The following ZDHHC15 variants were observed in gnomAD, a reference collection of about 807,000 sequenced individuals.
ZDHHC15 encodes the protein palmitoyltransferase ZDHHC15.
A neutral mutation model predicts 31.7 loss-of-function variants in ZDHHC15; 19 were observed. The ratio of observed to expected loss-of-function variants is 0.60; its 90% CI spans 0.42 to 0.88. The LOEUF is 0.88. Among genes scored for constraint, ZDHHC15 ranks in the 40% least tolerant of loss-of-function variants. The pLI is 0.00. For synonymous variants in ZDHHC15, 103 were observed against 90.0 expected, an observed-to-expected ratio of 1.14 and a Z score of -0.82; for missense variants, 209 against 251.2, an observed-to-expected ratio of 0.83 and a Z score of 1.14.
intron 4 of ZDHHC15, among the ~76,000 whole-genome samples, chrX:75,436,601 A>C (rs2083855077): frequency 8.9e-6 from 1 of 112,391 alleles, no homozygotes; most frequent in Admixed American, 9.4e-5. Flanking sequence ...CTCAACAATC[A>C]TTCATGAGTA....
intron 2 of ZDHHC15, among the ~76,000 whole-genome samples, chrX:75,484,978 G>C (rs191112951): frequency 8.9e-6 from 1 of 111,839 alleles, no homozygotes; most frequent in African/African-American, 3.2e-5. Flanking sequence ...GCTCCATACT[G>C]TATGATTCAA....
At chrX:75,456,495 A>G (rs758669624) in intron 3 of ZDHHC15, among the ~76,000 whole-genome samples, 2 of 111,102 alleles carry the variant, frequency 1.8e-5, no homozygotes, top group South Asian at 7.7e-4. Context: ...TAGAACTTAA[A>G]GTATAATAAT....
chrX:75,417,217 T>C (rs756942401), intron 9 of ZDHHC15, 27 bp from the exon 10 acceptor site: 1 of 1,060,601 alleles, frequency 9.4e-7, no homozygotes, highest in African/African-American at 1.9e-5. Flanking sequence ...GGCAGTGACC[T>C]ATTGCAGCTG....
chrX:75,480,341 T>C (rs1475296073), intron 2 of ZDHHC15, among the ~76,000 whole-genome samples: 1 of 111,734 alleles, frequency 8.9e-6, no homozygotes, highest in Non-Finnish European at 1.9e-5. Context: ...AACACCTCTT[T>C]GGTGTTTGGT....
intron 1 of ZDHHC15, 81 bp from the exon 2 acceptor site, chrX:75,505,928 TAA>T: frequency 1.4e-5 from 13 of 918,736 alleles, no homozygotes; most frequent in Non-Finnish European, 2.0e-5. Context: ...TAGTTATATT[TAA>T]AAAGTCTTGT....
chrX:75,457,199 G>A (rs2084237504), intron 3 of ZDHHC15, among the ~76,000 whole-genome samples: 1 of 110,527 alleles, frequency 9.0e-6, no homozygotes. Context: ...ATTTGTAGTG[G>A]CATCTTATTG....
At position 75,419,785 on chromosome X, in the gene ZDHHC15, T is replaced by C. The variant is rs1280127451; in HGVS notation, c.863+2079A>G. Among the ~76,000 whole-genome samples, 3 of 108,581 alleles carry C rather than the reference T, an allele frequency of 2.8e-5. No individual in the cohort carries two copies. The Admixed American group carries it at 3.0e-4, about 11-fold the overall frequency. 94.3% of individuals were successfully genotyped at this position (108,581 alleles called of 115,157 possible). Reference sequence around the variant, plus strand: ...TATGCAGTCATAAAAAATGATGAGTTCATGTCCTTTGTAGGGACATGGATG... The same window carrying C: ...TATGCAGTCATAAAAAATGATGAGTCCATGTCCTTTGTAGGGACATGGATG... On this transcript the variant is annotated intron_variant, in intron 9 of 11. Transcript: ENST00000373367.
intron 3 of ZDHHC15, among the ~76,000 whole-genome samples, chrX:75,478,581 C>A (rs1428610369): frequency 9.0e-6 from 1 of 111,288 alleles, no homozygotes; most frequent in Non-Finnish European, 1.9e-5. Flanking sequence ...CAGGGTCTCA[C>A]TTTGTTGCCT....
At chrX:75,442,875 A>G (rs988094842) in intron 4 of ZDHHC15, among the ~76,000 whole-genome samples, 7 of 105,885 alleles carry the variant, frequency 6.6e-5, no homozygotes, top group Non-Finnish European at 1.4e-4. Context: ...AGTCCCAGCT[A>G]CTCGGGAGGC....
rs749644337 is a variant in ZDHHC15 at position 75,389,436 on chromosome X, C to A, written c.968-10238G>T. ...CAACGTCAGGCAGTGCAGCTTGCAGCTCTAGGAGAGACTCCTTCCTTCTGC... is the reference window on the plus strand; with the variant it reads ...CAACGTCAGGCAGTGCAGCTTGCAGATCTAGGAGAGACTCCTTCCTTCTGC... On this transcript the variant is annotated intron_variant, in intron 10 of 11. Transcript: ENST00000373367. Among the ~76,000 whole-genome samples the A allele has an allele frequency of 8.3e-5, 9 of 108,913 alleles. No homozygotes were observed. In the South Asian group the frequency reaches 3.8e-3, roughly 45 times the overall value. 94.6% of individuals were successfully genotyped at this position (108,913 alleles called of 115,157 possible). A position where few individuals can be genotyped will look rare whatever the true frequency, so the allele number is the denominator to read the frequency against.
At chrX:75,458,096 A>G (rs768788786) in intron 3 of ZDHHC15, among the ~76,000 whole-genome samples, 11 of 112,297 alleles carry the variant, frequency 9.8e-5, no homozygotes, top group Non-Finnish European at 2.1e-4. Context: ...CAATGGCTGA[A>G]TGGTTAAACC....
At chrX:75,399,643 T>C (rs916619633) in intron 10 of ZDHHC15, among the ~76,000 whole-genome samples, 4 of 111,318 alleles carry the variant, frequency 3.6e-5, no homozygotes, top group Non-Finnish European at 7.5e-5. Flanking sequence ...AGCACTAAGA[T>C]CACCCCAGAG....
At chrX:75,499,806 A>C (rs1166482297) in intron 2 of ZDHHC15, among the ~76,000 whole-genome samples, 1 of 111,579 alleles carries the variant, frequency 9.0e-6, no homozygotes, top group East Asian at 2.8e-4. Flanking sequence ...ATAATAAAAT[A>C]AGTCATTATA....
In ZDHHC15 at chrX:75,369,356, T is replaced by C. The variant is rs2147737069; in HGVS notation, c.*3622A>G. On this transcript the variant is annotated 3_prime_UTR_variant, in exon 12 of 12. Transcript: ENST00000373367. ...GTGTGTGTGTGTGTGTACATGTGCA[T>C]ACATGTATGTAGATATGTGTGATGA... 9.0e-6 allele frequency: 1 copy of C among 110,976 alleles called. No individual in the cohort carries two copies. The highest frequency in any genetic ancestry group is 2.8e-4 in the East Asian group (1 of 3,566). 9.1% of individuals were successfully genotyped at this position (110,976 alleles called of 1,213,427 possible).
At chrX:75,473,456 G>T (rs1289908626) in intron 3 of ZDHHC15, among the ~76,000 whole-genome samples, 1 of 110,626 alleles carries the variant, frequency 9.0e-6, no homozygotes, top group African/African-American at 3.3e-5. Context: ...TTGCCCAGAG[G>T]TCTTTGTTCC....
intron 3 of ZDHHC15, among the ~76,000 whole-genome samples, chrX:75,451,383 T>C (rs1439964549): frequency 8.9e-6 from 1 of 112,456 alleles, no homozygotes; most frequent in Non-Finnish European, 1.9e-5. Context: ...AGAAGCTGGA[T>C]GAGACTGCTT....
At chrX:75,381,799 T>C (rs958148857) in intron 10 of ZDHHC15, among the ~76,000 whole-genome samples, 32 of 111,294 alleles carry the variant, frequency 2.9e-4, no homozygotes, top group Non-Finnish European at 3.8e-5. Flanking sequence ...TATCCTGATG[T>C]TTCCCATCCT....
At chrX:75,517,601 G>A (rs1288751843) in intron 1 of ZDHHC15, among the ~76,000 whole-genome samples, 2 of 77,372 alleles carry the variant, frequency 2.6e-5, no homozygotes, top group Non-Finnish European at 4.8e-5. Flanking sequence ...GTGGGGGGAG[G>A]GGGGAGGGAT....
intron 4 of ZDHHC15, 81 bp downstream of exon 4, chrX:75,450,721 G>A (rs760649557): frequency 8.3e-7 from 1 of 1,206,310 alleles, no homozygotes; most frequent in Non-Finnish European, 1.1e-6. Flanking sequence ...AAAAAAAAGG[G>A]CTAGTTTGAG....
Sources: allele counts gnomAD v4.1 joint callset (sites outside exome capture counted in the v4.1 genomes callset), GRCh38; gene constraint gnomAD v4.1.1; transcripts MANE v1.5; gene names NCBI Gene and HGNC (gene_info 2026-07-23, HGNC 2026-07-21).